HHAT: variants seen among roughly 807,000 people sequenced by gnomAD.
HHAT encodes hedgehog acyltransferase.
HHAT carries 47 observed loss-of-function variants against 70.8 expected under a neutral mutation model. That is an observed-to-expected ratio of 0.66 (90% CI 0.53 to 0.85). HHAT has a LOEUF of 0.85. HHAT is among the 40% of genes least tolerant of loss of function. The pLI, the probability that HHAT is intolerant of heterozygous loss-of-function variation, is 0.00. For missense variants in HHAT, 609 were observed against 604.8 expected, an observed-to-expected ratio of 1.01 and a Z score of -0.07; for synonymous variants, 228 against 247.6, an observed-to-expected ratio of 0.92 and a Z score of 0.74.
At chr1:210,657,174 T>A (rs562850067) in intron 11 of HHAT, among the ~76,000 whole-genome samples, 1 of 152,290 alleles carries the variant, frequency 6.6e-6, no homozygotes, top group South Asian at 2.1e-4. Flanking sequence ...GAGAAATGGC[T>A]CCACAGCCAC....
intron 10 of HHAT, among the ~76,000 whole-genome samples, chr1:210,604,555 G>T (rs779967249): frequency 9.9e-5 from 15 of 152,074 alleles, no homozygotes; most frequent in Non-Finnish European, 1.8e-4. Context: ...CTTACTGGTG[G>T]TATTATTTGT....
chr1:210,405,216 C>A (rs1215583921), intron 6 of HHAT, among the ~76,000 whole-genome samples: 1 of 151,984 alleles, frequency 6.6e-6, no homozygotes, highest in East Asian at 1.9e-4. Flanking sequence ...ATGTCTGGAT[C>A]CCCCTTTGTG....
chr1:210,669,761 G>T lies in HHAT; in HGVS notation c.1391-4527G>T, dbSNP rs543403141. ...CCTTGAATGTGCAGAGTGTGTAGGG[G>T]GCTTCAGCCCTAAAGTACACTCTTA... is the stretch of plus-strand genomic sequence containing the variant. On this transcript the variant is annotated intron_variant, in intron 11 of 11. Coordinates refer to ENST00000261458, the MANE Select transcript of HHAT (RefSeq NM_018194.6). 4.6e-5 allele frequency among the ~76,000 whole-genome samples: 7 copies of T among 152,276 alleles called. No homozygotes were observed. The South Asian group carries it at 8.3e-4, about 18-fold the overall frequency.
At chr1:210,413,661 T>C (rs1214217465) in intron 6 of HHAT, among the ~76,000 whole-genome samples, 1 of 152,240 alleles carries the variant, frequency 6.6e-6, no homozygotes. Flanking sequence ...CCAAGTTCTT[T>C]GCTGGTTCAT....
chr1:210,615,753 A>C (rs1667568723), intron 10 of HHAT, among the ~76,000 whole-genome samples: 1 of 152,256 alleles, frequency 6.6e-6, no homozygotes, highest in Admixed American at 6.5e-5. Context: ...AGAGCAGCGA[A>C]TATTGCTGAA....
chr1:210,355,912 T>C (rs1216394955), intron 2 of HHAT, among the ~76,000 whole-genome samples: 1 of 151,992 alleles, frequency 6.6e-6, no homozygotes, highest in African/African-American at 2.4e-5. Flanking sequence ...TTCATATTTT[T>C]CTATTTCATT....
chr1:210,401,070 G>A (rs1264497116), intron 5 of HHAT, among the ~76,000 whole-genome samples: 6 of 152,210 alleles, frequency 3.9e-5, no homozygotes, highest in Non-Finnish European at 8.8e-5. Context: ...TGGCCCTGTG[G>A]TGGTAAGTCA....
At chr1:210,392,306 A>G (rs971431256) in intron 4 of HHAT, among the ~76,000 whole-genome samples, 2 of 152,114 alleles carry the variant, frequency 1.3e-5, no homozygotes, top group Admixed American at 6.5e-5. Context: ...CAGGACCCAC[A>G]TGGCCTCCTC....
At chr1:210,442,053 A>G (rs572135249) in intron 7 of HHAT, among the ~76,000 whole-genome samples, 2 of 132,818 alleles carry the variant, frequency 1.5e-5, no homozygotes, top group South Asian at 2.4e-4. Flanking sequence ...TCCTGTGTCC[A>G]TGTGATCTCA....
intron 8 of HHAT, among the ~76,000 whole-genome samples, chr1:210,509,309 G>T (rs1047605003): frequency 6.6e-6 from 1 of 152,160 alleles, no homozygotes; most frequent in East Asian, 1.9e-4. Flanking sequence ...TGTCTCATTG[G>T]TGCTCAAAAA....
Position 210,334,177 on chromosome 1 carries a change from C to CTTTTTTTTTTTTTTT in HHAT, c.-44+5073_-44+5074insTTTTTTTTTTTTTTT, listed in dbSNP as rs1342123521. ...GTACTTGCTGGCCACTTTAGCGTGT[C>CTTTTTTTTTTTTTTT]ATTTTTTTTTTTTTTTTTTTTGAGA... On this transcript the variant is annotated intron_variant, in intron 1 of 11. Coordinates refer to ENST00000261458, the MANE Select transcript of HHAT (RefSeq NM_018194.6). Among the ~76,000 whole-genome samples the CTTTTTTTTTTTTTTT allele has an allele frequency of 5.2e-4, 18 of 34,550 alleles. 1 individual carries two copies. The highest frequency in any genetic ancestry group is 1.2e-3 in the South Asian group (1 of 866). 22.7% of individuals were successfully genotyped at this position (34,550 alleles called of 152,430 possible). A position where few individuals can be genotyped will look rare whatever the true frequency, so the allele number is the denominator to read the frequency against.
chr1:210,519,554 G>T (rs1399894243), intron 9 of HHAT, among the ~76,000 whole-genome samples: 12 of 147,488 alleles, frequency 8.1e-5, no homozygotes, highest in African/African-American at 3.0e-4. Flanking sequence ...TTGAGGCAGG[G>T]TCTCCCTCTG....
chr1:210,668,243 G>T (rs185264950), intron 11 of HHAT, among the ~76,000 whole-genome samples: 1 of 152,106 alleles, frequency 6.6e-6, no homozygotes, highest in East Asian at 1.9e-4. Context: ...CCACCTTTTG[G>T]CCGTTGTGAA....
intron 11 of HHAT, among the ~76,000 whole-genome samples, chr1:210,642,207 G>A (rs1159270697): frequency 6.6e-6 from 1 of 152,170 alleles, no homozygotes; most frequent in African/African-American, 2.4e-5. Context: ...ATGTTTGAAA[G>A]ATTTATCATT....
chr1:210,518,334 G>GGT (rs2095095117), intron 9 of HHAT, among the ~76,000 whole-genome samples: 1 of 151,942 alleles, frequency 6.6e-6, no homozygotes, highest in African/African-American at 2.4e-5. Flanking sequence ...GAGATCATGT[G>GGT]GTATTTGTCT....
intron 9 of HHAT, among the ~76,000 whole-genome samples, chr1:210,585,728 C>T (rs1660293350): frequency 6.6e-6 from 1 of 152,086 alleles, no homozygotes; most frequent in South Asian, 2.1e-4. Context: ...CAGAACTAGG[C>T]TTAATTCTGA....
At chr1:210,425,118 T>TC (rs1176873852) in intron 7 of HHAT, among the ~76,000 whole-genome samples, 8 of 152,160 alleles carry the variant, frequency 5.3e-5, no homozygotes, top group East Asian at 1.9e-4. Context: ...AGCTTTTTTT[T>TC]CCCCACATGA....
intron 8 of HHAT, among the ~76,000 whole-genome samples, chr1:210,472,220 G>T (rs1201284209): frequency 4.6e-5 from 7 of 152,158 alleles, no homozygotes; most frequent in Admixed American, 4.6e-4. Context: ...TCCCACTTCT[G>T]CAAGGACAGT....
At chr1:210,608,004 TGATCCTATGATAGTATATGCA>T (rs1458538330) in intron 10 of HHAT, among the ~76,000 whole-genome samples, 2 of 152,236 alleles carry the variant, frequency 1.3e-5, no homozygotes, top group Non-Finnish European at 2.9e-5. Flanking sequence ...GTTGTGAAGA[TGATCCTATGATAGTATATGCA>T]GATCTGTGTA....
Sources: gnomAD v4.1 joint callset for allele counts (sites outside exome capture counted in the v4.1 genomes callset) on GRCh38, gnomAD v4.1.1 for gene constraint, MANE v1.5 for transcripts, NCBI Gene and HGNC (gene_info 2026-07-23, HGNC 2026-07-21) for gene names.